Variants in EYA1 observed in about 807,000 individuals in gnomAD.
The protein encoded by EYA1 is protein phosphatase EYA1.
Under a neutral mutation model 82.0 loss-of-function variants are expected in EYA1, and 16 were observed. The ratio of observed to expected loss-of-function variants is 0.20; its 90% confidence interval spans 0.13 to 0.30. The LOEUF (loss-of-function observed/expected upper bound fraction) is 0.30. Ranked by LOEUF, EYA1 falls within the 10% of genes least tolerant of loss-of-function variation. The pLI is 1.00. For synonymous variants in EYA1, 261 were observed against 264.4 expected, an observed-to-expected ratio of 0.99 and a Z score of 0.12; for missense variants, 633 against 730.7, an observed-to-expected ratio of 0.87 and a Z score of 1.54.
At chr8:71,346,431 A>AATATATATAATAT (rs770393582) in intron 3 of EYA1, among the ~76,000 whole-genome samples, 101 of 105,428 alleles carry the variant, frequency 9.6e-4, no homozygotes, top group African/African-American at 3.3e-3. Context: ...TACTGCAGTG[A>AATATATATAATAT]ATATATATAT....
intron 2 of EYA1, among the ~76,000 whole-genome samples, chr8:71,424,338 TGA>T (rs1831304212): frequency 6.6e-6 from 1 of 152,224 alleles, no homozygotes; most frequent in Non-Finnish European, 1.5e-5. Context: ...CAAATGGTAA[TGA>T]GAGTGTATAA....
chr8:71,483,344 G>GTT (rs764702408), intron 2 of EYA1, among the ~76,000 whole-genome samples: 15,076 of 152,122 alleles, frequency 0.099, 975 homozygotes, highest in African/African-American at 0.18. Context: ...GTTTAACACT[G>GTT]CAAAGCCCTC....
At chr8:71,364,651 A>T (rs539328834), upstream of EYA1, among the ~76,000 whole-genome samples, 1 of 152,152 alleles carries the variant, frequency 6.6e-6, no homozygotes, top group East Asian at 1.9e-4. Context: ...TCAATACATA[A>T]ATGTATGGAA....
intron 2 of EYA1, among the ~76,000 whole-genome samples, chr8:71,445,087 T>C (rs1563620520): frequency 6.6e-6 from 1 of 152,246 alleles, no homozygotes; most frequent in Non-Finnish European, 1.5e-5. Flanking sequence ...TTTGTATTGC[T>C]TTATGTTATG....
chr8:71,224,434 G>A (rs1413860324), intron 12 of EYA1, among the ~76,000 whole-genome samples: 1 of 152,208 alleles, frequency 6.6e-6, no homozygotes, highest in African/African-American at 2.4e-5. Flanking sequence ...CCAAGGCAGA[G>A]GAAGTGATCA....
intron 9 of EYA1, among the ~76,000 whole-genome samples, chr8:71,286,565 A>C (rs1347854479): frequency 4.6e-5 from 7 of 152,110 alleles, no homozygotes; most frequent in African/African-American, 1.4e-4. Context: ...GAGTGGGGGG[A>C]AACTCATAGG....
intron 2 of EYA1, among the ~76,000 whole-genome samples, chr8:71,427,519 C>G (rs527379713): frequency 2.6e-5 from 4 of 152,242 alleles, no homozygotes; most frequent in African/African-American, 7.2e-5. Context: ...TCTACCATTG[C>G]CTCATTGAAG....
intron 3 of EYA1, among the ~76,000 whole-genome samples, chr8:71,348,807 A>G (rs1193534829): frequency 6.6e-6 from 1 of 152,196 alleles, no homozygotes; most frequent in African/African-American, 2.4e-5. Flanking sequence ...GGTCATTACT[A>G]TTCCAATGGA....
chr8:71,302,659 T>C lies in EYA1; in HGVS notation c.557-2939A>G, dbSNP rs2129004628. Among the ~76,000 whole-genome samples, 2 of 141,732 alleles carry C rather than the reference T, an allele frequency of 1.4e-5. 1 individual carries two copies. Among genetic ancestry groups the C allele is most frequent in the East Asian group, 4.2e-4 (2 of 4,808 alleles). 93.0% of individuals were successfully genotyped at this position (141,732 alleles called of 152,430 possible). The stretch of plus-strand genomic sequence containing the variant: ...ATCAGGCTCAGGCAATATTAATTTT[T>C]CACCACCAGAATCAAGTTCGCAGGG... On this transcript the variant is annotated intron_variant, in intron 7 of 17. Coordinates refer to ENST00000340726, the MANE Select transcript of EYA1 (RefSeq NM_000503.6).
chr8:71,264,397 A>G (rs568245970), intron 11 of EYA1, among the ~76,000 whole-genome samples: 21 of 152,292 alleles, frequency 1.4e-4, no homozygotes, highest in South Asian at 1.0e-3. Flanking sequence ...CCCACAAGGG[A>G]GGCTGTTTAT....
intron 2 of EYA1, among the ~76,000 whole-genome samples, chr8:71,422,093 G>A (rs1831178327): frequency 6.6e-6 from 1 of 152,174 alleles, no homozygotes; most frequent in African/African-American, 2.4e-5. Flanking sequence ...TTAACGTAAA[G>A]ATGATAATTC....
At chr8:71,423,844 G>C (rs1268225847) in intron 2 of EYA1, among the ~76,000 whole-genome samples, 1 of 152,150 alleles carries the variant, frequency 6.6e-6, no homozygotes, top group African/African-American at 2.4e-5. Context: ...AGGTTTGCCA[G>C]AAAATGTATA....
chr8:71,373,178 G>A (rs1250901702), intron 2 of EYA1, among the ~76,000 whole-genome samples: 1 of 152,148 alleles, frequency 6.6e-6, no homozygotes, highest in East Asian at 1.9e-4. Context: ...ATCAAACTTG[G>A]AAAGGAAAAA....
intron 11 of EYA1, among the ~76,000 whole-genome samples, chr8:71,245,720 T>C (rs1320928133): frequency 6.6e-6 from 1 of 152,184 alleles, no homozygotes; most frequent in African/African-American, 2.4e-5. Flanking sequence ...TATCATTATT[T>C]GCATTCATTA....
At chr8:71,210,925 C>A (rs1395763534) in intron 17 of EYA1, among the ~76,000 whole-genome samples, 1 of 152,252 alleles carries the variant, frequency 6.6e-6, no homozygotes, top group Non-Finnish European at 1.5e-5. Context: ...GTTCTGCTCC[C>A]AAATTCTACC....
intron 11 of EYA1, among the ~76,000 whole-genome samples, chr8:71,264,325 G>A (rs1390342103): frequency 6.6e-6 from 1 of 152,184 alleles, no homozygotes; most frequent in African/African-American, 2.4e-5. Flanking sequence ...CTGATGAAAT[G>A]GGCGATATAA....
chr8:71,448,075 T>C (rs767476806), intron 2 of EYA1, among the ~76,000 whole-genome samples: 3 of 144,032 alleles, frequency 2.1e-5, no homozygotes, highest in Non-Finnish European at 4.5e-5. Flanking sequence ...CTTGGCTCAC[T>C]GCAACCTACG....
intron 2 of EYA1, among the ~76,000 whole-genome samples, chr8:71,524,564 C>T (rs1201491340): frequency 6.6e-6 from 1 of 152,150 alleles, no homozygotes; most frequent in Non-Finnish European, 1.5e-5. Context: ...ACAACAGCCT[C>T]ATTAAAGAAA....
intron 2 of EYA1, among the ~76,000 whole-genome samples, chr8:71,502,060 G>A (rs1811851798): frequency 6.6e-6 from 1 of 152,144 alleles, no homozygotes; most frequent in South Asian, 2.1e-4. Context: ...TATATTAGGT[G>A]CTTGATAAGT....
Sources: gnomAD v4.1 joint callset for allele counts (sites outside exome capture counted in the v4.1 genomes callset) on GRCh38, gnomAD v4.1.1 for gene constraint, MANE v1.5 for transcripts, NCBI Gene and HGNC (gene_info 2026-07-23, HGNC 2026-07-21) for gene names.